Variants in PDE5A observed in about 807,000 individuals in gnomAD.
PDE5A encodes the protein phosphodiesterase 5A, also known as cGMP-specific 3',5'-cyclic phosphodiesterase.
PDE5A carries 67 observed loss-of-function variants against 110.2 expected under a neutral mutation model. The observed-to-expected ratio is 0.61, with a 90% CI of 0.50 to 0.75. PDE5A has a LOEUF of 0.75. PDE5A is among the 30% of genes least tolerant of loss of function. The pLI is 0.00. For synonymous variants in PDE5A, 328 were observed against 351.2 expected (o/e 0.93, Z 0.74); for missense variants, 862 against 1,045.1 (o/e 0.82, Z 2.42).
At chr4:119,549,574 T>A (rs1049093776) in intron 9 of PDE5A, 3 of 152,218 alleles carry the variant, frequency 2.0e-5, no homozygotes, top group African/African-American at 7.2e-5. Context: ...TATCTTTTTT[T>A]AAAATAAATT....
chr4:119,600,217 A>T (rs1180288970), intron 2 of PDE5A, among the ~76,000 whole-genome samples: 1 of 152,054 alleles, frequency 6.6e-6, no homozygotes, highest in African/African-American at 2.4e-5. Flanking sequence ...AAGGAAGCCT[A>T]GTCTTTCATT....
At chr4:119,625,390 A>G (rs979664538) in intron 1 of PDE5A, among the ~76,000 whole-genome samples, 7 of 152,186 alleles carry the variant, frequency 4.6e-5, no homozygotes, top group Non-Finnish European at 1.0e-4. Context: ...TTCAAGGTCA[A>G]CCCAAATTCA....
intron 3 of PDE5A, among the ~76,000 whole-genome samples, chr4:119,587,644 C>T (rs1728810535): frequency 6.6e-6 from 1 of 152,152 alleles, no homozygotes; most frequent in Admixed American, 6.5e-5. Flanking sequence ...TCGACTTCCC[C>T]AAGTGCTGGG....
chr4:119,623,743 G>A (rs763331565), intron 1 of PDE5A, among the ~76,000 whole-genome samples: 1 of 152,036 alleles, frequency 6.6e-6, no homozygotes, highest in Non-Finnish European at 1.5e-5. Flanking sequence ...GGACATAAAC[G>A]TGTGAAAATA....
Position 119,516,572 on chromosome 4 carries a change from T to C in PDE5A, c.2000+2473A>G, listed in dbSNP as rs577906438. Reference sequence around the variant, plus strand: ...GGTTGTCTGCACTTTAGCTATTTTGTTCCTATTACTGCCTATTTTTAAAAT... The same window carrying C: ...GGTTGTCTGCACTTTAGCTATTTTGCTCCTATTACTGCCTATTTTTAAAAT... On this transcript the variant is annotated intron_variant, in intron 14 of 20. Transcript: ENST00000354960. 1.7e-4 allele frequency among the ~76,000 whole-genome samples: 26 copies of C among 152,334 alleles called. No individual in the cohort carries two copies. In the South Asian group the frequency reaches 5.4e-3, roughly 32 times the overall value.
At chr4:119,604,455 C>CT (rs1356856916) in intron 2 of PDE5A, among the ~76,000 whole-genome samples, 1 of 152,112 alleles carries the variant, frequency 6.6e-6, no homozygotes, top group East Asian at 1.9e-4. Context: ...CCAGCTGTCA[C>CT]TTAAGACAGG....
At chr4:119,530,245 T>G (rs760240683) in intron 11 of PDE5A, among the ~76,000 whole-genome samples, 1 of 152,006 alleles carries the variant, frequency 6.6e-6, no homozygotes, top group East Asian at 1.9e-4. Flanking sequence ...AGAAAGAAAA[T>G]GAAGGGCTCT....
At chr4:119,587,666 G>C (rs1728811972) in intron 3 of PDE5A, among the ~76,000 whole-genome samples, 1 of 152,172 alleles carries the variant, frequency 6.6e-6, no homozygotes, top group South Asian at 2.1e-4. Flanking sequence ...TTACAGGTGT[G>C]AGCCACCATG....
chr4:119,563,586 A>G (rs1207263333), intron 5 of PDE5A, among the ~76,000 whole-genome samples: 1 of 152,166 alleles, frequency 6.6e-6, no homozygotes, highest in African/African-American at 2.4e-5. Context: ...GAAATAGGGA[A>G]GAGAAATATT....
chr4:119,561,149 A>T (rs55803624), intron 6 of PDE5A, among the ~76,000 whole-genome samples: 3 of 152,308 alleles, frequency 2.0e-5, no homozygotes, highest in East Asian at 1.9e-4. Flanking sequence ...AAGAAAAAAA[A>T]TTTTTTAAAT....
intron 1 of PDE5A, among the ~76,000 whole-genome samples, chr4:119,621,050 A>G (rs1730124925): frequency 6.6e-6 from 1 of 152,224 alleles, no homozygotes. Context: ...CTGTGGTTTT[A>G]TCATTTTGTT....
At chr4:119,519,446 A>G (rs1481108950) in intron 13 of PDE5A, 1 of 272,046 alleles carries the variant, frequency 3.7e-6, no homozygotes, top group Non-Finnish European at 6.8e-6. Flanking sequence ...TAATCATAAT[A>G]AACTTTAAAT....
chr4:119,627,934 TG>T lies in PDE5A; in HGVS notation c.152+585del. Reference sequence around the variant, plus strand: ...GCACAGCCTTCGGCGGAAAAGCGAGTGAAAGGAGGCGCGCGGGACAAGCAGG... The same window carrying T: ...GCACAGCCTTCGGCGGAAAAGCGAGTAAAGGAGGCGCGCGGGACAAGCAGG... On this transcript the variant is annotated intron_variant, in intron 1 of 20. Transcript: ENST00000354960. This position sits in a 1 kb window ranked among gnomAD's most constrained non-coding sequence, Gnocchi z 4.6. 2.0e-6 allele frequency: 1 copy of T among 512,090 alleles called. No homozygotes were observed. The highest frequency in any genetic ancestry group is 2.5e-6 in the Non-Finnish European group (1 of 397,570). 31.7% of individuals were successfully genotyped at this position (512,090 alleles called of 1,614,324 possible).
intron 2 of PDE5A, among the ~76,000 whole-genome samples, chr4:119,597,264 G>A (rs1042280291): frequency 1.3e-5 from 2 of 150,784 alleles, no homozygotes; most frequent in African/African-American, 4.9e-5. Flanking sequence ...TTACACTTTA[G>A]ATTGGGAAGA....
chr4:119,606,607 C>A, intron 2 of PDE5A, 102 bp downstream of exon 2: 1 of 732,644 alleles, frequency 1.4e-6, no homozygotes, highest in Non-Finnish European at 2.3e-6. Flanking sequence ...TTTCAAATAT[C>A]CCCACCATTC....
At chr4:119,541,355 A>T (rs1000624327) in intron 10 of PDE5A, among the ~76,000 whole-genome samples, 9 of 151,546 alleles carry the variant, frequency 5.9e-5, no homozygotes, top group Admixed American at 2.0e-4. Context: ...ATATATGTGT[A>T]TCTGTATATT....
intron 18 of PDE5A, 105 bp downstream of exon 18, chr4:119,504,431 T>C: frequency 1.2e-6 from 1 of 811,378 alleles, no homozygotes; most frequent in East Asian, 2.6e-5. Context: ...GTGTCTTTTT[T>C]ATATAGTCAT....
intron 15 of PDE5A, 141 bp downstream of exon 15, chr4:119,510,906 T>G: frequency 1.8e-6 from 1 of 544,340 alleles, no homozygotes; most frequent in South Asian, 3.1e-5. Context: ...CTCAAATGTT[T>G]TGGCTTCGCC....
At chr4:119,593,259 C>A (rs1729042259) in intron 3 of PDE5A, among the ~76,000 whole-genome samples, 1 of 152,160 alleles carries the variant, frequency 6.6e-6, no homozygotes, top group Non-Finnish European at 1.5e-5. Flanking sequence ...TAAGTCCACA[C>A]AAAGGTCTGT....
Sources: gnomAD v4.1 joint callset for allele counts (sites outside exome capture counted in the v4.1 genomes callset) on GRCh38, gnomAD v4.1.1 for gene constraint, Gnocchi (gnomAD v3.1) non-coding constraint, MANE v1.5 for transcripts, NCBI Gene and HGNC (gene_info 2026-07-23, HGNC 2026-07-21) for gene names.